MARCHF8: variants seen among roughly 807,000 people sequenced by gnomAD.
The protein encoded by MARCHF8 is E3 ubiquitin-protein ligase MARCHF8.
Under a neutral mutation model 51.6 loss-of-function variants are expected in MARCHF8, and 40 were observed. The observed-to-expected ratio is 0.77, with a 90% confidence interval of 0.60 to 1.01. The LOEUF (loss-of-function observed/expected upper bound fraction) is 1.01. Among genes scored for constraint, MARCHF8 ranks in the 50% least tolerant of loss-of-function variants. The pLI, the probability that MARCHF8 is intolerant of heterozygous loss-of-function variation, is 0.00. For missense variants in MARCHF8, 685 were observed against 708.6 expected (o/e 0.97, Z 0.38); for synonymous variants, 263 against 280.3 (o/e 0.94, Z 0.62).
At chr10:45,551,937 C>CA (rs2044200203) in intron 1 of MARCHF8, among the ~76,000 whole-genome samples, 1 of 152,038 alleles carries the variant, frequency 6.6e-6, no homozygotes, top group African/African-American at 2.4e-5. Context: ...TAGTTTAGAT[C>CA]ATTCCTTGCA....
chr10:45,570,072 A>C (rs991753189), intron 1 of MARCHF8, among the ~76,000 whole-genome samples: 1 of 152,236 alleles, frequency 6.6e-6, no homozygotes, highest in African/African-American at 2.4e-5. Flanking sequence ...CCTTTTACAA[A>C]AAGAAGACTC....
chr10:45,523,099 TTTATC>T (rs2043736172), intron 2 of MARCHF8, among the ~76,000 whole-genome samples: 2 of 152,360 alleles, frequency 1.3e-5, no homozygotes, highest in African/African-American at 4.8e-5. Flanking sequence ...CAGTCAGGCA[TTTATC>T]TTTGGTGCTG....
intron 1 of MARCHF8, among the ~76,000 whole-genome samples, chr10:45,560,902 C>CA (rs2044303053): frequency 1.3e-5 from 2 of 151,848 alleles, no homozygotes; most frequent in African/African-American, 2.4e-5. Flanking sequence ...TCCTTAAAAT[C>CA]AAAAAAGCCT....
intron 2 of MARCHF8, among the ~76,000 whole-genome samples, chr10:45,529,097 A>G (rs999028826): frequency 3.9e-5 from 6 of 152,320 alleles, no homozygotes; most frequent in African/African-American, 1.4e-4. Context: ...AACCAAAACT[A>G]TTATAAAAAG....
rs1231576174 is a variant in MARCHF8, at chr10:45,469,641, G to A, written c.154-5314C>T. ...AGCACTTTGGGGGGCCGAGGCGGGC[G>A]GATCACGAGGTCAGGAGATCGAGAC... On this transcript the variant is annotated intron_variant, in intron 3 of 7. Transcript: ENST00000453424. 5.9e-5 allele frequency among the ~76,000 whole-genome samples: 9 copies of A among 151,942 alleles called. No homozygotes were observed. The East Asian group carries it at 9.7e-4, about 16-fold the overall frequency.
Position 45,463,853 on chromosome 10 carries a change from CT to C in MARCHF8, c.385del (p.Arg129GlufsTer12). ...GGCCCATTCTGAACCAAAGGAATTT[CT>C]CTTTGACGCCTGTAATGTGTCCTTA... Reference protein sequence around the residue: ...ICKDTLQASKRNSFGSEWAQA... With the variant: ...ICKDTLQASKXNSFGSEWAQA... On this transcript the variant is annotated frameshift_variant, in exon 5 of 8. Coordinates refer to ENST00000453424, the MANE Select transcript of MARCHF8 (RefSeq NM_001282866.2). LOFTEE classifies it high-confidence loss of function. The C allele has an allele frequency of 6.5e-7, 1 of 1,541,234 alleles. No individual in the cohort carries two copies. The highest frequency in any genetic ancestry group is 8.7e-7 in the Non-Finnish European group (1 of 1,146,996).
intron 2 of MARCHF8, among the ~76,000 whole-genome samples, chr10:45,509,264 G>A (rs1427088061): frequency 5.3e-5 from 8 of 152,180 alleles, no homozygotes; most frequent in Non-Finnish European, 1.0e-4. Context: ...GAGCTAATGA[G>A]GGATGACTGT....
intron 1 of MARCHF8, among the ~76,000 whole-genome samples, chr10:45,575,229 C>G (rs2044476138): frequency 6.6e-6 from 1 of 152,156 alleles, no homozygotes; most frequent in Non-Finnish European, 1.5e-5. Flanking sequence ...AAGCAGCCAG[C>G]GTTCCAACTT....
chr10:45,524,063 C>A (rs1204098636), intron 2 of MARCHF8, among the ~76,000 whole-genome samples: 2 of 152,180 alleles, frequency 1.3e-5, no homozygotes, highest in East Asian at 3.8e-4. Context: ...CAAAGTTGCA[C>A]ATAATTTTAT....
chr10:45,548,662 G>A (rs1321792011), intron 1 of MARCHF8, among the ~76,000 whole-genome samples: 1 of 152,130 alleles, frequency 6.6e-6, no homozygotes, highest in African/African-American at 2.4e-5. Flanking sequence ...AACAGAACAG[G>A]TGTTTTCAAC....
At chr10:45,460,903 C>T (rs559065708) in intron 6 of MARCHF8, among the ~76,000 whole-genome samples, 5 of 152,220 alleles carry the variant, frequency 3.3e-5, no homozygotes, top group South Asian at 2.1e-4. Context: ...AGAAGCAGGA[C>T]GTCAACAGTT....
At chr10:45,564,357 C>T (rs1298778715) in intron 1 of MARCHF8, among the ~76,000 whole-genome samples, 1 of 152,068 alleles carries the variant, frequency 6.6e-6, no homozygotes, top group South Asian at 2.1e-4. Context: ...AAAAAATGCA[C>T]TTTATGATCT....
At chr10:45,543,767 C>T (rs2044083976) in intron 1 of MARCHF8, among the ~76,000 whole-genome samples, 1 of 133,406 alleles carries the variant, frequency 7.5e-6, no homozygotes, top group Admixed American at 8.6e-5. Flanking sequence ...CACTGCACTC[C>T]AGCCTGGGTG....
At chr10:45,566,163 G>T (rs2044361662) in intron 1 of MARCHF8, among the ~76,000 whole-genome samples, 1 of 152,132 alleles carries the variant, frequency 6.6e-6, no homozygotes, top group Admixed American at 6.5e-5. Flanking sequence ...GCACACAGTA[G>T]GTGTATATAT....
intron 1 of MARCHF8, among the ~76,000 whole-genome samples, chr10:45,580,773 G>C (rs1292791267): frequency 1.3e-5 from 2 of 152,164 alleles, no homozygotes; most frequent in Non-Finnish European, 2.9e-5. Flanking sequence ...CCACATACCT[G>C]ATTAGTATTG....
intron 1 of MARCHF8, among the ~76,000 whole-genome samples, chr10:45,534,910 C>A (rs1323344280): frequency 1.3e-5 from 2 of 152,120 alleles, no homozygotes; most frequent in African/African-American, 2.4e-5. Flanking sequence ...TTCCTTCACA[C>A]AACTCTAGAA....
rs201715424 is a variant in MARCHF8 at position 45,523,241 on chromosome 10, A to AG, written c.102+9868dup. Among the ~76,000 whole-genome samples the AG allele has an allele frequency of 3.7e-3, 566 of 152,336 alleles. 6 individuals carry two copies. Among genetic ancestry groups the AG allele is most frequent in the African/African-American group, 0.013 (525 of 41,576 alleles). On this transcript the variant is annotated intron_variant, in intron 2 of 7. Coordinates refer to ENST00000453424, the MANE Select transcript of MARCHF8 (RefSeq NM_001282866.2). ...CAATCTCTGCATTAAAAAATAAATT[A>AG]GGGGCCCAATAGGGTGGCTCACACC...
At position 45,515,293 on chromosome 10, in the gene MARCHF8, C is replaced by T. The variant is rs1022165419; in HGVS notation, c.102+17817G>A. Among the ~76,000 whole-genome samples the T allele has an allele frequency of 7.1e-4, 108 of 152,158 alleles. 1 individual carries two copies. Among genetic ancestry groups the T allele is most frequent in the African/African-American group, 2.5e-3 (105 of 41,430 alleles). The stretch of plus-strand genomic sequence containing the variant: ...CAGTCCAATCACCTGTAATGTTCTC[C>T]ACCTGTTTCCCATAGCCGTCCTTTT... On this transcript the variant is annotated intron_variant, in intron 2 of 7. Transcript: ENST00000453424.
chr10:45,489,513 C>T, intron 2 of MARCHF8, 96 bp from the exon 3 acceptor site: 2 of 1,129,322 alleles, frequency 1.8e-6, no homozygotes, highest in Middle Eastern at 2.0e-4. Context: ...ACAAATCATT[C>T]CCTGAACTAG....
Sources: allele counts gnomAD v4.1 joint callset (sites outside exome capture counted in the v4.1 genomes callset), GRCh38; gene constraint gnomAD v4.1.1; transcripts MANE v1.5; gene names NCBI Gene and HGNC (gene_info 2026-07-23, HGNC 2026-07-21).